The following CEP97 variants were observed in gnomAD, a reference collection of about 807,000 sequenced individuals.
CEP97 encodes the protein centrosomal protein of 97 kDa.
In CEP97, 43 loss-of-function variants were observed where a neutral mutation model predicts 73.1. The observed-to-expected ratio is 0.59, with a 90% CI of 0.46 to 0.76. CEP97 has a LOEUF of 0.76. CEP97 is among the 30% of genes least tolerant of loss of function. The pLI is 0.00. For synonymous variants in CEP97, 337 were observed against 370.0 expected (o/e 0.91, Z 1.02); for missense variants, 939 against 1,014.0 (o/e 0.93, Z 1.00).
At chr3:101,753,657 G>C (rs2722164) in intron 6 of CEP97, among the ~76,000 whole-genome samples, 137,303 of 152,258 alleles carry the variant, frequency 0.9, 61,985 homozygotes, top group East Asian at 0.99. Context: ...TGATCTCAGA[G>C]TGCTGTGCTA....
At position 101,733,929 on chromosome 3, in the gene CEP97, C is replaced by T. The variant is rs962642484; in HGVS notation, c.728+1275C>T. Among the ~76,000 whole-genome samples, 3 of 152,116 alleles carry T rather than the reference C, an allele frequency of 2.0e-5. No homozygotes were observed. The East Asian group carries it at 5.8e-4, about 29-fold the overall frequency. On this transcript the variant is annotated intron_variant, in intron 6 of 10. Transcript: ENST00000341893. Reference sequence around the variant, plus strand: ...ACAACCTCCACCTCCTGGGTTCAAGCGATTCTTCTGCCTCAGCCTCCCAAG... The same window carrying T: ...ACAACCTCCACCTCCTGGGTTCAAGTGATTCTTCTGCCTCAGCCTCCCAAG...
At chr3:101,759,300 A>G (rs1939106802) in intron 9 of CEP97, 1 of 152,260 alleles carries the variant, frequency 6.6e-6, no homozygotes. Context: ...GCAAGCTTCC[A>G]GTTGTTCTCT....
Position 101,731,858 on chromosome 3 carries a change from AACATCATC to A in CEP97, c.469_476del (p.Ile157LeufsTer3). On this transcript the variant is annotated frameshift_variant, in exon 5 of 11. Coordinates refer to ENST00000341893, the MANE Select transcript of CEP97 (RefSeq NM_024548.4). LOFTEE classifies it high-confidence loss of function. Reference sequence around the variant, plus strand: ...TTTCAAGACCCTGCTTTTACATGGAAACATCATCACCTCTCTTAGAATGGCACCTGCTT... The same window carrying A: ...TTTCAAGACCCTGCTTTTACATGGAAACCTCTCTTAGAATGGCACCTGCTT... 1 of 1,598,268 alleles carries A rather than the reference AACATCATC, an allele frequency of 6.3e-7. No individual in the cohort carries two copies. Among genetic ancestry groups the A allele is most frequent in the Non-Finnish European group, 8.6e-7 (1 of 1,167,226 alleles).
In CEP97 at chr3:101,731,836, C is replaced by T. The variant is rs778721030; in HGVS notation, c.448-4C>T. 2 of 1,550,226 alleles carry T rather than the reference C, an allele frequency of 1.3e-6. No homozygotes were observed. Among genetic ancestry groups the T allele is most frequent in the East Asian group, 2.3e-5 (1 of 44,162 alleles). The stretch of plus-strand genomic sequence containing the variant: ...TTGTAATTCATACTGTTTTTACTTT[C>T]AAGACCCTGCTTTTACATGGAAACA... On this transcript the variant is annotated splice_region_variant and splice_polypyrimidine_tract_variant and intron_variant, in intron 4 of 10. Transcript: ENST00000341893.
intron 8 of CEP97, 51 bp from the exon 9 acceptor site, chr3:101,757,582 AC>A (rs1939045564): frequency 6.6e-7 from 1 of 1,509,794 alleles, no homozygotes; most frequent in East Asian, 2.3e-5. Context: ...AAGGGACATA[AC>A]TAAAATGTAA....
intron 6 of CEP97, among the ~76,000 whole-genome samples, chr3:101,753,538 G>T (rs1339468304): frequency 2.0e-5 from 3 of 152,268 alleles, no homozygotes; most frequent in East Asian, 1.9e-4. Flanking sequence ...AGGCCTCCTT[G>T]AGCTGTGGTG....
chr3:101,738,464 A>G (rs1938350710), intron 6 of CEP97, among the ~76,000 whole-genome samples: 2 of 152,208 alleles, frequency 1.3e-5, no homozygotes. Context: ...TCCTGAGCAA[A>G]TGTAAAAGAA....
rs148979471 is a variant in CEP97 at position 101,764,886 on chromosome 3, C to T, written c.1933C>T (p.Arg645Cys). ...GGTTTGGCAACAGACAGTGGACCAG[C>T]GTCTAAGTTCCTGGCATACTGATGT... Reference protein sequence around the residue: ...LQVWQQTVDQRLSSWHTDVPP... With the variant: ...LQVWQQTVDQCLSSWHTDVPP... Residue 645 changes from arginine (R) to cysteine (C), a missense_variant, in exon 11 of 11, where the codon CGT (arginine) becomes TGT (cysteine). Coordinates refer to ENST00000341893, the MANE Select transcript of CEP97 (RefSeq NM_024548.4). 8 of 1,613,078 alleles carry T rather than the reference C, an allele frequency of 5.0e-6. No individual in the cohort carries two copies. The highest frequency in any genetic ancestry group is 4.4e-5 in the South Asian group (4 of 90,870).
At chr3:101,746,632 T>G (rs539689881) in intron 6 of CEP97, among the ~76,000 whole-genome samples, 1 of 151,614 alleles carries the variant, frequency 6.6e-6, no homozygotes, top group Non-Finnish European at 1.5e-5. Context: ...GGACTTCATG[T>G]CTAAAACACC....
chr3:101,754,883 A>C (rs1293138310), intron 6 of CEP97, among the ~76,000 whole-genome samples: 11 of 149,826 alleles, frequency 7.3e-5, no homozygotes, highest in African/African-American at 2.7e-4. Flanking sequence ...ATGTTTGTTC[A>C]GATTCAGGTT....
At chr3:101,747,099 A>G (rs1373124526) in intron 6 of CEP97, among the ~76,000 whole-genome samples, 1 of 149,654 alleles carries the variant, frequency 6.7e-6, no homozygotes, top group Non-Finnish European at 1.5e-5. Context: ...AACTAGTTCA[A>G]CCATTGTGGA....
chr3:101,756,880 A>G (rs561034538), intron 7 of CEP97, among the ~76,000 whole-genome samples, 183 bp from the exon 8 acceptor site: 42 of 152,332 alleles, frequency 2.8e-4, no homozygotes, highest in African/African-American at 9.6e-4. Flanking sequence ...GCAATTACAA[A>G]ATAAGCTTCT....
At chr3:101,744,193 C>T (rs1938541443) in intron 6 of CEP97, among the ~76,000 whole-genome samples, 1 of 151,974 alleles carries the variant, frequency 6.6e-6, no homozygotes, top group Non-Finnish European at 1.5e-5. Context: ...GAAATAGCTA[C>T]TTAGGTCTCC....
rs565415510 is a variant in CEP97, at chr3:101,748,239, G to T, written c.729-7191G>T. ...AATTGACAGGGAGTTTTTGTTTTTG[G>T]TTTTTTTTTTACGTAGGATTTAATA... On this transcript the variant is annotated intron_variant, in intron 6 of 10. Coordinates refer to ENST00000341893, the MANE Select transcript of CEP97 (RefSeq NM_024548.4). 5.1e-3 allele frequency among the ~76,000 whole-genome samples: 728 copies of T among 142,710 alleles called. 2 individuals carry two copies. Among genetic ancestry groups the T allele is most frequent in the Admixed American group, 0.013 (178 of 14,164 alleles). The allele number at this position is 142,710 out of a possible 152,430, so 93.6% of individuals were successfully genotyped here. A position where few individuals can be genotyped will look rare whatever the true frequency, so the allele number is the denominator to read the frequency against.
At position 101,765,641 on chromosome 3, in the gene CEP97, C is replaced by G. The variant is rs1939299499; in HGVS notation, c.*90C>G. ...TTTTTTTGGAGGGAAATACTCCCTA[C>G]CCCTAATTTTGTTACTACTTATATA... On this transcript the variant is annotated 3_prime_UTR_variant, in exon 11 of 11. Coordinates refer to ENST00000341893, the MANE Select transcript of CEP97 (RefSeq NM_024548.4). 9.9e-7 allele frequency: 1 copy of G among 1,011,842 alleles called. No homozygotes were observed. Among genetic ancestry groups the G allele is most frequent in the Non-Finnish European group, 1.5e-6 (1 of 686,186 alleles). The allele number at this position is 1,011,842 out of a possible 1,614,324, so 62.7% of individuals were successfully genotyped here. A position where few individuals can be genotyped will look rare whatever the true frequency, so the allele number is the denominator to read the frequency against.
rs1006712442 is a variant in CEP97, at chr3:101,765,100, A to G, written c.2147A>G (p.His716Arg). 9 of 1,614,208 alleles carry G rather than the reference A, an allele frequency of 5.6e-6. No homozygotes were observed. The highest frequency in any genetic ancestry group is 7.6e-6 in the Non-Finnish European group (9 of 1,180,042). ...ACAGAACAAGTTCATTCATTGCAGC[A>G]TTCTTTGGATTTTGAGAAAAGTTCC... ...SLTEQVHSLQ[H>R]SLDFEKSSTE... is the part of the protein sequence containing the mutation. Residue 716 changes from histidine to arginine, a missense_variant, in exon 11 of 11, where the codon CAT (histidine) becomes CGT (arginine). His to Arg is a conservative substitution (Grantham distance 29). Transcript: ENST00000341893.
intron 6 of CEP97, among the ~76,000 whole-genome samples, chr3:101,737,304 C>T (rs1199721785): frequency 6.6e-6 from 1 of 152,174 alleles, no homozygotes; most frequent in Non-Finnish European, 1.5e-5. Flanking sequence ...CCCAACCTAG[C>T]AAGACAGGCC....
At chr3:101,741,065 C>T (rs973437826) in intron 6 of CEP97, among the ~76,000 whole-genome samples, 1 of 152,240 alleles carries the variant, frequency 6.6e-6, no homozygotes. Flanking sequence ...AGTACTGGTA[C>T]CAAAACAGTT....
chr3:101,756,399 T>C (rs1041445965), intron 7 of CEP97, among the ~76,000 whole-genome samples: 3 of 150,622 alleles, frequency 2.0e-5, no homozygotes, highest in Admixed American at 6.6e-5. Flanking sequence ...GAGCTCACTT[T>C]GTCACCCAGG....
Sources: gnomAD v4.1 joint callset for allele counts (sites outside exome capture counted in the v4.1 genomes callset) on GRCh38, gnomAD v4.1.1 for gene constraint, MANE v1.5 for transcripts, NCBI Gene and HGNC (gene_info 2026-07-23, HGNC 2026-07-21) for gene names.